The following GAB4 variants were observed in gnomAD, a reference collection of about 807,000 sequenced individuals.
GAB4 encodes GRB2-associated-binding protein 4.
Under a neutral mutation model 51.3 loss-of-function variants are expected in GAB4, and 26 were observed. That is an observed-to-expected ratio of 0.51 (90% CI 0.37 to 0.70). GAB4 has a LOEUF of 0.70. Ranked by LOEUF, GAB4 falls within the 30% of genes least tolerant of loss-of-function variation. The pLI is 0.00. For synonymous variants in GAB4, 329 were observed against 291.2 expected (o/e 1.13, Z -1.32); for missense variants, 759 against 734.6 (o/e 1.03, Z -0.38).
rs773873677 is a variant in GAB4 at position 16,966,341 on chromosome 22, C to G, written c.1047G>C (p.Leu349=). The change falls in exon 6 of 10, where the codon CTG becomes CTC. Residue 349 remains leucine, a synonymous_variant. Transcript: ENST00000400588. Reference sequence around the variant, plus strand: ...TGCCCTCAGAAGCAATGCTGTCTGACAGGCCCACAAGCGTTCTTCCTGGCT... The same window carrying G: ...TGCCCTCAGAAGCAATGCTGTCTGAGAGGCCCACAAGCGTTCTTCCTGGCT... ...SFLPGRTLVG[L]SDSIASEGSC... 2 of 1,613,074 alleles carry G rather than the reference C, an allele frequency of 1.2e-6. No homozygotes were observed. Among genetic ancestry groups the G allele is most frequent in the Non-Finnish European group, 1.7e-6 (2 of 1,179,708 alleles).
chr22:17,008,197 T>C lies in GAB4; in HGVS notation c.-83A>G. The C allele has an allele frequency of 1.2e-5, 12 of 991,422 alleles. No individual in the cohort carries two copies. Among genetic ancestry groups the C allele is most frequent in the Non-Finnish European group, 1.7e-5 (11 of 660,586 alleles). 61.4% of individuals were successfully genotyped at this position (991,422 alleles called of 1,614,324 possible). A position where few individuals can be genotyped will look rare whatever the true frequency, so the allele number is the denominator to read the frequency against. ...GTGGGGTGTGAGGGACGGCTTGCGA[T>C]ACCCTGGGACTGCGGGGTAGAAAGC... On this transcript the variant is annotated 5_prime_UTR_variant, in exon 1 of 10. Transcript: ENST00000400588.
chr22:16,973,531 C>T (rs1220509781), intron 3 of GAB4, among the ~76,000 whole-genome samples: 1 of 152,178 alleles, frequency 6.6e-6, no homozygotes, highest in African/African-American at 2.4e-5. Flanking sequence ...GAGTACGTCC[C>T]ACATGGTCTA....
At chr22:16,974,484 CCAGCCAG>C (rs2060759807) in intron 3 of GAB4, among the ~76,000 whole-genome samples, 1 of 152,176 alleles carries the variant, frequency 6.6e-6, no homozygotes, top group South Asian at 2.1e-4. Context: ...AACACTCACT[CCAGCCAG>C]CAGCGCAGTG....
chr22:16,962,635 A>G lies in GAB4; in HGVS notation c.*98T>C, dbSNP rs2060638313. On this transcript the variant is annotated 3_prime_UTR_variant, in exon 10 of 10. Coordinates refer to ENST00000400588, the MANE Select transcript of GAB4 (RefSeq NM_001037814.1). The stretch of plus-strand genomic sequence containing the variant: ...TATATTGATCAGGCCTCTGCTCTCT[A>G]TGTAAGGGATGCGGTCCCTGATATT... 6.9e-6 allele frequency: 8 copies of G among 1,165,092 alleles called. No individual in the cohort carries two copies. The highest frequency in any genetic ancestry group is 4.7e-5 in the South Asian group (3 of 63,370). 72.2% of individuals were successfully genotyped at this position (1,165,092 alleles called of 1,614,324 possible). A position where few individuals can be genotyped will look rare whatever the true frequency, so the allele number is the denominator to read the frequency against.
chr22:16,964,734 T>C (rs2060657551), intron 8 of GAB4, 32 bp downstream of exon 8: 1 of 1,486,762 alleles, frequency 6.7e-7, no homozygotes. Context: ...GGGACTCTGA[T>C]AGGAGCCTTA....
intron 4 of GAB4, among the ~76,000 whole-genome samples, chr22:16,969,044 G>A (rs557957949): frequency 2.4e-3 from 371 of 152,332 alleles, no homozygotes; most frequent in Non-Finnish European, 4.1e-3. Flanking sequence ...GGATGCAAAA[G>A]GAAAGGAGTT....
intron 3 of GAB4, among the ~76,000 whole-genome samples, chr22:16,970,993 C>A (rs117571771): frequency 0.09 from 13,506 of 150,746 alleles, 650 homozygotes; most frequent in Non-Finnish European, 0.11. Context: ...CTCAAGAGTT[C>A]GAGACCAGCC....
rs150384078 is a variant in GAB4, at chr22:16,992,181, G to C, written c.175-5C>G. On this transcript the variant is annotated splice_polypyrimidine_tract_variant and splice_region_variant and intron_variant, in intron 1 of 9. Transcript: ENST00000400588. ...AAACCAGCGTTTCCTCCAGGCCTAA[G>C]GAAGGAGTAAGAAGAGGGGAAGCAT... 4.5e-4 allele frequency: 721 copies of C among 1,602,736 alleles called. 2 individuals are homozygous for C. In the African/African-American group the frequency reaches 8.5e-3, roughly 19 times the overall value.
intron 2 of GAB4, among the ~76,000 whole-genome samples, chr22:16,989,794 G>C (rs1212900845): frequency 6.6e-6 from 1 of 152,204 alleles, no homozygotes; most frequent in Non-Finnish European, 1.5e-5. Flanking sequence ...CTTCAATGGA[G>C]CTATTCTTCA....
Position 16,962,704 on chromosome 22 carries a change from T to C in GAB4, c.*29A>G, listed in dbSNP as rs758638969. 6.9e-6 allele frequency: 11 copies of C among 1,600,554 alleles called. No homozygotes were observed. Among genetic ancestry groups the C allele is most frequent in the Non-Finnish European group, 9.4e-6 (11 of 1,175,678 alleles). ...GCGGAGCAGCTCTGAGGCACTGTCCTGGCCCCACTCTGGTTTTGGTGGCCC... is the reference window on the plus strand; with the variant it reads ...GCGGAGCAGCTCTGAGGCACTGTCCCGGCCCCACTCTGGTTTTGGTGGCCC... On this transcript the variant is annotated 3_prime_UTR_variant, in exon 10 of 10. Transcript: ENST00000400588.
intron 3 of GAB4, among the ~76,000 whole-genome samples, chr22:16,980,257 T>C (rs941117274): frequency 1.2e-4 from 19 of 152,176 alleles, no homozygotes; most frequent in African/African-American, 4.6e-4. Flanking sequence ...CTGCAATCTA[T>C]CCATCTGACA....
chr22:16,987,139 T>C (rs2060874690), intron 3 of GAB4, among the ~76,000 whole-genome samples: 1 of 152,232 alleles, frequency 6.6e-6, no homozygotes. Flanking sequence ...AACACAGCCA[T>C]TTATCTGTCT....
chr22:16,994,805 C>A (rs1044333740), intron 1 of GAB4, among the ~76,000 whole-genome samples: 4 of 152,156 alleles, frequency 2.6e-5, no homozygotes, highest in African/African-American at 9.7e-5. Flanking sequence ...ACTGACTAGA[C>A]CCTTTGGTAC....
In GAB4 at chr22:16,966,306, G is replaced by C. The variant is rs1176754762; in HGVS notation, c.1082C>G (p.Pro361Arg). The change falls in exon 6 of 10, where the codon CCC (proline) becomes CGC (arginine). Residue 361 changes from proline to arginine, a missense_variant. Physicochemically the swap from Pro to Arg is moderately radical, Grantham distance 103. Coordinates refer to ENST00000400588, the MANE Select transcript of GAB4 (RefSeq NM_001037814.1). The stretch of plus-strand genomic sequence containing the variant: ...CAGGGTAGGGGAGCCTGGGTTCATG[G>C]GCACACAGCTGCCCTCAGAAGCAAT... Reference protein sequence around the residue: ...DSIASEGSCVPMNPGSPTLPA... With the variant: ...DSIASEGSCVRMNPGSPTLPA... 3 of 1,613,594 alleles carry C rather than the reference G, an allele frequency of 1.9e-6. No homozygotes were observed. Among genetic ancestry groups the C allele is most frequent in the Non-Finnish European group, 2.5e-6 (3 of 1,179,946 alleles).
intron 1 of GAB4, 103 bp downstream of exon 1, chr22:17,007,838 C>T (rs901020082): frequency 1.6e-5 from 18 of 1,123,844 alleles, no homozygotes; most frequent in Non-Finnish European, 2.1e-5. Flanking sequence ...GTCGCCTCCA[C>T]CCGCAGCTCC....
chr22:17,000,924 C>G (rs1053629707), intron 1 of GAB4, among the ~76,000 whole-genome samples: 4 of 152,112 alleles, frequency 2.6e-5, no homozygotes, highest in Admixed American at 1.3e-4. Context: ...ATATGAAATT[C>G]TGGGTTGAAA....
chr22:16,973,063 C>T (rs1014362844), intron 3 of GAB4, among the ~76,000 whole-genome samples: 4 of 152,198 alleles, frequency 2.6e-5, no homozygotes, highest in African/African-American at 9.7e-5. Context: ...GTCCCTCTGG[C>T]AAGCTCCTAC....
At chr22:16,996,216 A>G (rs1233185652) in intron 1 of GAB4, among the ~76,000 whole-genome samples, 1 of 151,884 alleles carries the variant, frequency 6.6e-6, no homozygotes, top group Non-Finnish European at 1.5e-5. Flanking sequence ...TCAGAGATTG[A>G]AGATTAACTT....
chr22:16,987,124 C>A (rs2123696424), intron 3 of GAB4, among the ~76,000 whole-genome samples: 1 of 152,340 alleles, frequency 6.6e-6, no homozygotes, highest in Non-Finnish European at 1.5e-5. Context: ...ATGAAGTCAT[C>A]TATTAACACA....
Sources: gnomAD v4.1 joint callset for allele counts (sites outside exome capture counted in the v4.1 genomes callset) on GRCh38, gnomAD v4.1.1 for gene constraint, MANE v1.5 for transcripts, NCBI Gene and HGNC (gene_info 2026-07-23, HGNC 2026-07-21) for gene names.